The following SLC35D4 variants were observed in gnomAD, a reference collection of about 807,000 sequenced individuals.
SLC35D4 encodes the protein UDP-N-acetylglucosamine transporter SLC35D4.
At chr18:23,310,345 T>G in the SLC35D4 span, 5 of 886,544 alleles carry the variant, frequency 5.6e-6, no homozygotes, top group Non-Finnish European at 5.4e-6. Context: ...GGGAAGAGGT[T>G]ACCTCCACAT....
the SLC35D4 span, among the ~76,000 whole-genome samples, chr18:23,396,476 T>C: frequency 2.0e-5 from 3 of 152,202 alleles, no homozygotes; most frequent in Non-Finnish European, 4.4e-5. Flanking sequence ...GAAAAGATGC[T>C]GGGTTGAGTT....
At chr18:23,303,444 G>A in the SLC35D4 span, among the ~76,000 whole-genome samples, 3,755 of 150,820 alleles carry the variant, frequency 0.025, 51 homozygotes, top group Middle Eastern at 0.055. Context: ...TCTTACAGAC[G>A]CCTGCTTCCT....
the SLC35D4 span, among the ~76,000 whole-genome samples, chr18:23,341,638 C>T: frequency 1.3e-5 from 2 of 152,094 alleles, no homozygotes; most frequent in African/African-American, 4.8e-5. Context: ...ACGATTTTGT[C>T]GTATTTCAAA....
At chr18:23,326,517 A>C in the SLC35D4 span, among the ~76,000 whole-genome samples, 3 of 152,206 alleles carry the variant, frequency 2.0e-5, no homozygotes, top group Non-Finnish European at 4.4e-5. Context: ...CTAAATATAT[A>C]TGCACCCAAT....
the SLC35D4 span, among the ~76,000 whole-genome samples, chr18:23,249,396 C>G: frequency 1.3e-5 from 2 of 152,124 alleles, no homozygotes; most frequent in African/African-American, 4.8e-5. Flanking sequence ...GTGGCCAAAC[C>G]AGGAGTGGGC....
the SLC35D4 span, among the ~76,000 whole-genome samples, chr18:23,286,827 TTAAC>T: frequency 4.1e-4 from 62 of 152,090 alleles, no homozygotes; most frequent in African/African-American, 1.0e-3. Context: ...CCGAGACACT[TTAAC>T]TAAATTATCT....
At chr18:23,315,950 T>G in the SLC35D4 span, among the ~76,000 whole-genome samples, 1 of 152,260 alleles carries the variant, frequency 6.6e-6, no homozygotes, top group Non-Finnish European at 1.5e-5. Context: ...AGGTACTTTC[T>G]TCTATCTGCC....
chr18:23,316,245 G>T, the SLC35D4 span, among the ~76,000 whole-genome samples: 1 of 152,204 alleles, frequency 6.6e-6, no homozygotes, highest in Admixed American at 6.5e-5. Flanking sequence ...AGAGTTGGAG[G>T]TGTATTTCAG....
the SLC35D4 span, among the ~76,000 whole-genome samples, chr18:23,389,273 G>A: frequency 1.3e-5 from 2 of 152,102 alleles, no homozygotes; most frequent in East Asian, 3.9e-4. Context: ...ACAGGCACAG[G>A]CCACCGTGCC....
the SLC35D4 span, among the ~76,000 whole-genome samples, chr18:23,371,933 TTG>T: frequency 7.4e-4 from 16 of 21,712 alleles, no homozygotes; most frequent in African/African-American, 2.3e-3. Flanking sequence ...CTTGTTTTTT[TTG>T]TTTTTTTTTT....
the SLC35D4 span, among the ~76,000 whole-genome samples, chr18:23,275,047 A>T: frequency 3.3e-3 from 98 of 30,114 alleles, no homozygotes; most frequent in African/African-American, 0.019. Context: ...TTTGTGTGTG[A>T]GTGTGTTTGT....
chr18:23,276,290 G>A, the SLC35D4 span, among the ~76,000 whole-genome samples: 8 of 151,968 alleles, frequency 5.3e-5, no homozygotes, highest in East Asian at 3.9e-4. Context: ...GGGTTTCACC[G>A]TGTTAGCCAG....
chr18:23,423,837 G>A, the SLC35D4 span, among the ~76,000 whole-genome samples: 1 of 152,172 alleles, frequency 6.6e-6, no homozygotes, highest in East Asian at 1.9e-4. Context: ...AAGCTTCTTG[G>A]AGAAGTTCAT....
At chr18:23,370,658 T>C in the SLC35D4 span, among the ~76,000 whole-genome samples, 15 of 152,360 alleles carry the variant, frequency 9.8e-5, no homozygotes, top group African/African-American at 3.4e-4. Context: ...CCCCCAGGAC[T>C]ACAGACAAGC....
chr18:23,286,644 C>T, the SLC35D4 span, among the ~76,000 whole-genome samples: 1 of 152,034 alleles, frequency 6.6e-6, no homozygotes, highest in Non-Finnish European at 1.5e-5. Context: ...AGGCTACCCA[C>T]TCCACGTTAC....
the SLC35D4 span, among the ~76,000 whole-genome samples, chr18:23,327,727 C>T: frequency 6.6e-6 from 1 of 152,094 alleles, no homozygotes; most frequent in Non-Finnish European, 1.5e-5. Context: ...ATCCTGATAC[C>T]AAAGCTTGGC....
the SLC35D4 span, among the ~76,000 whole-genome samples, chr18:23,402,546 T>TA: frequency 6.6e-6 from 1 of 152,216 alleles, no homozygotes; most frequent in Admixed American, 6.5e-5. Context: ...AACTCACACC[T>TA]ATAATCCCAG....
the SLC35D4 span, among the ~76,000 whole-genome samples, chr18:23,380,340 G>A: frequency 6.6e-6 from 1 of 152,150 alleles, no homozygotes. Context: ...CCAGTCCTGC[G>A]GTGTCACCCC....
chr18:23,411,345 AGAAGGGAGAGAAGG>A, the SLC35D4 span, among the ~76,000 whole-genome samples: 6 of 144,364 alleles, frequency 4.2e-5, no homozygotes, highest in African/African-American at 1.5e-4. Context: ...GAAAGGGAAG[AGAAGGGAGAGAAGG>A]GAAGGGAGAG....
Sources: gnomAD v4.1 joint callset for allele counts (sites outside exome capture counted in the v4.1 genomes callset) on GRCh38, gnomAD v4.1.1 for gene constraint, MANE v1.5 for transcripts, NCBI Gene and HGNC (gene_info 2026-07-23, HGNC 2026-07-21) for gene names.